Variants in LHB observed in about 807,000 individuals in gnomAD.
LHB encodes luteinizing hormone subunit beta.
A neutral mutation model predicts 10.6 loss-of-function variants in LHB; 11 were observed. That is an observed-to-expected ratio of 1.04 (90% CI 0.66 to 1.72). LHB has a LOEUF of 1.72. Ranked by LOEUF, LHB falls within the 40% of genes most tolerant of loss-of-function variation. The pLI is 0.00. For synonymous variants in LHB, 86 were observed against 83.1 expected (o/e 1.03, Z -0.19); for missense variants, 184 against 197.3 (o/e 0.93, Z 0.41).
At chr19:49,018,532 C>T (rs950822010), upstream of LHB, among the ~76,000 whole-genome samples, 6 of 152,128 alleles carry the variant, frequency 3.9e-5, no homozygotes, top group African/African-American at 1.2e-4. Context: ...GGAAACTGAG[C>T]TTTCGCATCC....
In LHB at chr19:49,016,242, G is replaced by C. The variant is rs138049984; in HGVS notation, c.252C>G (p.Phe84Leu). 2.4e-5 allele frequency: 38 copies of C among 1,612,438 alleles called. No homozygotes were observed. In the East Asian group the frequency reaches 6.0e-4, roughly 26 times the overall value. ...GGCAGCCAGGGAGCCGGATGGACTC[G>C]AAGCGCACATCACGGTAGGTGCACA... ...QVVCTYRDVR[F>L]ESIRLPGCPR... The change falls in exon 3 of 3, where the codon TTC becomes TTG. Residue 84 changes from phenylalanine (F) to leucine (L), a missense_variant. Phe to Leu is a conservative substitution (Grantham distance 22). Transcript: ENST00000649238.
chr19:49,018,742 G>C, upstream of LHB: 1 of 780,706 alleles, frequency 1.3e-6, no homozygotes, highest in South Asian at 1.7e-5. Context: ...CCTGAACTTT[G>C]GTTCTTGCTG....
upstream of LHB, chr19:49,017,848 T>C (rs1359958209): frequency 1.0e-5 from 4 of 398,324 alleles, no homozygotes; most frequent in African/African-American, 2.1e-5. Flanking sequence ...ACGTTGCCAA[T>C]AGACGTAATG....
chr19:49,017,179 G>T, upstream of LHB: 1 of 1,581,032 alleles, frequency 6.3e-7, no homozygotes, highest in Non-Finnish European at 8.7e-7. Context: ...GGGTAACCTG[G>T]ACACTAATCC....
chr19:49,017,375 G>A (rs191629650), upstream of LHB: 20 of 1,077,608 alleles, frequency 1.9e-5, no homozygotes, highest in African/African-American at 3.0e-4. Context: ...GTAGGGTGTA[G>A]GAAGGCCTGC....
upstream of LHB, chr19:49,017,685 T>A: frequency 1.6e-6 from 1 of 628,778 alleles, no homozygotes; most frequent in Non-Finnish European, 2.2e-6. Context: ...TCCCCGGAAG[T>A]GGGTGTGGTT....
upstream of LHB, among the ~76,000 whole-genome samples, chr19:49,017,241 A>C (rs1489310124): frequency 3.9e-5 from 6 of 152,046 alleles, no homozygotes; most frequent in Non-Finnish European, 7.4e-5. Context: ...GTGGCTCAGC[A>C]GAGCGCCCCA....
upstream of LHB, among the ~76,000 whole-genome samples, chr19:49,017,299 G>C (rs772076335): frequency 2.0e-5 from 3 of 152,252 alleles, no homozygotes; most frequent in Non-Finnish European, 4.4e-5. Context: ...CAGAGACCAC[G>C]GTGAAGTGAC....
chr19:49,018,138 C>T (rs1404886194), upstream of LHB: 1 of 400,990 alleles, frequency 2.5e-6, no homozygotes, highest in East Asian at 3.6e-5. Flanking sequence ...CTGTAGGACT[C>T]CTGAGCCAGA....
chr19:49,018,219 G>C (rs113541676), upstream of LHB: 35 of 606,430 alleles, frequency 5.8e-5, no homozygotes, highest in African/African-American at 5.7e-4. Context: ...CGCGGTGGTC[G>C]GGGCGGCCGG....
At position 49,016,008 on chromosome 19, in the gene LHB, G is replaced by T; in HGVS notation, c.*60C>A. On this transcript the variant is annotated 3_prime_UTR_variant, in exon 3 of 3. Coordinates refer to ENST00000649238, the MANE Select transcript of LHB (RefSeq NM_000894.3). Reference sequence around the variant, plus strand: ...GGATTGAGAAGCCTTTATTGTGGGAGGATCGGGGTGTCAGGGCTCCAGGAG... The same window carrying T: ...GGATTGAGAAGCCTTTATTGTGGGATGATCGGGGTGTCAGGGCTCCAGGAG... 6.2e-7 allele frequency: 1 copy of T among 1,614,164 alleles called. No homozygotes were observed. Among genetic ancestry groups the T allele is most frequent in the South Asian group, 1.1e-5 (1 of 91,084 alleles).
At chr19:49,019,263 C>T, upstream of LHB, 5 of 1,299,294 alleles carry the variant, frequency 3.8e-6, no homozygotes, top group South Asian at 8.7e-5. Flanking sequence ...AAACCCAAGC[C>T]CCCAGCCACC....
chr19:49,016,607 C>A lies in LHB; in HGVS notation c.123G>T (p.Glu41Asp), dbSNP rs775216296. The change falls in exon 2 of 3, where the codon GAG becomes GAT. Residue 41 changes from glutamate (E) to aspartate (D), a missense_variant. Glu to Asp is a conservative substitution (Grantham distance 45). Coordinates refer to ENST00000649238, the MANE Select transcript of LHB (RefSeq NM_000894.3). ...TGACGGTGATGCACACTGGGCAGCC[C>A]TCCTTCTCGACAGCCAGGATGGCAT... is the stretch of plus-strand genomic sequence containing the variant. ...PINAILAVEK[E>D]GCPVCITVNT... 4.3e-6 allele frequency: 7 copies of A among 1,611,694 alleles called. No homozygotes were observed. The East Asian group carries it at 1.6e-4, about 36-fold the overall frequency.
intron 1 of LHB, 87 bp from the exon 2 acceptor site, chr19:49,016,801 A>T (rs747850092): frequency 6.3e-6 from 10 of 1,598,318 alleles, no homozygotes; most frequent in Non-Finnish European, 8.5e-6. Flanking sequence ...CCACCCACAA[A>T]GACCCAGAGA....
upstream of LHB, chr19:49,019,072 AG>A: frequency 6.8e-7 from 1 of 1,460,772 alleles, no homozygotes; most frequent in South Asian, 1.4e-5. Flanking sequence ...CTGGGTCCCG[AG>A]TTCAGAATCC....
upstream of LHB, chr19:49,017,608 G>A: frequency 9.4e-7 from 1 of 1,060,558 alleles, no homozygotes; most frequent in Non-Finnish European, 1.2e-6. Flanking sequence ...GAGGGATTAA[G>A]CCCGAGCCCC....
Position 49,016,262 on chromosome 19 carries a change from T to C in LHB, c.232A>G (p.Thr78Ala). The change falls in exon 3 of 3, where the codon ACC (threonine) becomes GCC (alanine). Residue 78 changes from threonine to alanine, a missense_variant. Physicochemically the swap from Thr to Ala is moderately conservative, Grantham distance 58 (BLOSUM62 0). Coordinates refer to ENST00000649238, the MANE Select transcript of LHB (RefSeq NM_000894.3). ...GACTCGAAGCGCACATCACGGTAGG[T>C]GCACACCACCTGAGGCAGGGGCGGC... ...VLPPLPQVVC[T>A]YRDVRFESIR... 1.2e-6 allele frequency: 2 copies of C among 1,612,144 alleles called. No homozygotes were observed. Among genetic ancestry groups the C allele is most frequent in the Non-Finnish European group, 1.7e-6 (2 of 1,179,824 alleles).
At chr19:49,018,340 C>A (rs373762298), upstream of LHB, 34 of 1,218,708 alleles carry the variant, frequency 2.8e-5, no homozygotes, top group South Asian at 4.6e-4. Flanking sequence ...ACAGCTCCGT[C>A]CTGTGGGAGC....
chr19:49,018,498 G>C (rs1208064478), upstream of LHB, among the ~76,000 whole-genome samples: 1 of 152,098 alleles, frequency 6.6e-6, no homozygotes, highest in African/African-American at 2.4e-5. Flanking sequence ...TGCGTTCCTG[G>C]GTCCTCGAGG....
Sources: gnomAD v4.1 joint callset for allele counts (sites outside exome capture counted in the v4.1 genomes callset) on GRCh38, gnomAD v4.1.1 for gene constraint, MANE v1.5 for transcripts, NCBI Gene and HGNC (gene_info 2026-07-23, HGNC 2026-07-21) for gene names.